The following TRAM1 variants were observed in gnomAD, a reference collection of about 807,000 sequenced individuals.
The protein encoded by TRAM1 is translocating chain-associated membrane protein 1.
TRAM1 carries 17 observed loss-of-function variants against 48.7 expected under a neutral mutation model. The ratio of observed to expected loss-of-function variants is 0.35; its 90% confidence interval spans 0.24 to 0.52. The LOEUF (loss-of-function observed/expected upper bound fraction) is 0.52, where lower values mean the gene tolerates loss of function less well. TRAM1 is among the 20% of genes least tolerant of loss of function. TRAM1 has a pLI of 0.94. For missense variants in TRAM1, 351 were observed against 441.5 expected, an observed-to-expected ratio of 0.79 and a Z score of 1.84; for synonymous variants, 182 against 154.0, an observed-to-expected ratio of 1.18 and a Z score of -1.34.
chr8:70,575,635 C>A (rs1222643738), intron 10 of TRAM1, among the ~76,000 whole-genome samples: 1 of 152,098 alleles, frequency 6.6e-6, no homozygotes. Context: ...GTATGTGTGA[C>A]TGACTCTCTC....
chr8:70,595,147 C>T (rs1817460958), intron 5 of TRAM1, among the ~76,000 whole-genome samples: 1 of 151,572 alleles, frequency 6.6e-6, no homozygotes. Flanking sequence ...CAGAATAAGG[C>T]ACACAAGGGC....
chr8:70,577,020 T>C (rs1306218141), intron 10 of TRAM1, among the ~76,000 whole-genome samples: 1 of 152,176 alleles, frequency 6.6e-6, no homozygotes, highest in East Asian at 1.9e-4. Context: ...TTTTCTCTCT[T>C]TCTTGTCATC....
intron 10 of TRAM1, 22 bp from the exon 11 acceptor site, chr8:70,575,027 T>C (rs1391367691): frequency 4.6e-6 from 7 of 1,535,748 alleles, no homozygotes; most frequent in East Asian, 4.5e-5. Context: ...AAAGAATCCA[T>C]GTTACTCTCT....
rs762922376 is a variant in TRAM1 at position 70,583,673 on chromosome 8, T to C, written c.867A>G (p.Gly289=). 1.2e-6 allele frequency: 2 copies of C among 1,613,172 alleles called. No homozygotes were observed. Among genetic ancestry groups the C allele is most frequent in the South Asian group, 2.2e-5 (2 of 90,876 alleles). ...ACCTAACAGCTAACACATTGAAGTT[T>C]CCAGTACTGAAATCCAGCTTCTGAT... ...AENQKLDFST[G]NFNVLAVRIA... Residue 289 remains glycine, a synonymous_variant, in exon 9 of 11, where the codon GGA becomes GGG. Transcript: ENST00000262213.
chr8:70,584,629 T>C (rs1158064261), intron 8 of TRAM1, among the ~76,000 whole-genome samples: 1 of 152,148 alleles, frequency 6.6e-6, no homozygotes, highest in Non-Finnish European at 1.5e-5. Flanking sequence ...AGCATTCTTA[T>C]ACACCAATAA....
chr8:70,590,725 G>A lies in TRAM1; in HGVS notation c.571-3549C>T, dbSNP rs1427209222. Among the ~76,000 whole-genome samples the A allele has an allele frequency of 2.0e-5, 3 of 152,140 alleles. No homozygotes were observed. In the East Asian group the frequency reaches 5.8e-4, roughly 29 times the overall value. ...ATAGAGGGTAAAATGCCATCACTAG[G>A]TTCTATCTTCACAACCATCAAATGC... On this transcript the variant is annotated intron_variant, in intron 6 of 10. Coordinates refer to ENST00000262213, the MANE Select transcript of TRAM1 (RefSeq NM_014294.6).
intron 10 of TRAM1, among the ~76,000 whole-genome samples, chr8:70,579,208 A>G (rs552744424): frequency 3.1e-4 from 47 of 152,362 alleles, no homozygotes; most frequent in African/African-American, 1.1e-3. Flanking sequence ...CCACACACCC[A>G]GGCTATATGG....
rs556660391 is a variant in TRAM1, at chr8:70,596,536, A to T, written c.427-215T>A. ...ATCAATGATAGAAATGAGATATGGA[A>T]TCAGGTAAGACATAATTCCTGGCCC... On this transcript the variant is annotated intron_variant, in intron 4 of 10. Transcript: ENST00000262213. Among the ~76,000 whole-genome samples the T allele has an allele frequency of 1.4e-3, 217 of 152,314 alleles. 1 individual carries two copies. Among genetic ancestry groups the T allele is most frequent in the Non-Finnish European group, 2.1e-3 (145 of 68,012 alleles).
In TRAM1 at chr8:70,607,079, A is replaced by G. The variant is rs905516410; in HGVS notation, c.123+998T>C. 6 of 936,296 alleles carry G rather than the reference A, an allele frequency of 6.4e-6. No homozygotes were observed. The African/African-American group carries it at 8.9e-5, about 14-fold the overall frequency. 58.0% of individuals were successfully genotyped at this position (936,296 alleles called of 1,614,324 possible). A position where few individuals can be genotyped will look rare whatever the true frequency, so the allele number is the denominator to read the frequency against. On this transcript the variant is annotated intron_variant, in intron 1 of 10. Coordinates refer to ENST00000262213, the MANE Select transcript of TRAM1 (RefSeq NM_014294.6). ...ACAAGGCAGGAGCAAAATAATTTGT[A>G]TATTTACTGAGACATAAAGGCTCCA...
chr8:70,599,949 C>A, intron 2 of TRAM1, 70 bp downstream of exon 2: 1 of 1,186,966 alleles, frequency 8.4e-7, no homozygotes, highest in Non-Finnish European at 1.3e-6. Context: ...ACCTAGCATT[C>A]ATGAAAATTT....
intron 7 of TRAM1, 50 bp downstream of exon 7, chr8:70,587,056 C>T (rs1817238130): frequency 3.7e-6 from 6 of 1,610,234 alleles, no homozygotes; most frequent in Non-Finnish European, 5.1e-6. Context: ...GACAGGTCAG[C>T]ATACTATCTG....
chr8:70,586,526 A>G (rs1817225209), intron 8 of TRAM1, among the ~76,000 whole-genome samples: 1 of 152,116 alleles, frequency 6.6e-6, no homozygotes, highest in South Asian at 2.1e-4. Context: ...GTTCAATTTC[A>G]CCATCAATAT....
intron 1 of TRAM1, among the ~76,000 whole-genome samples, chr8:70,606,562 C>T (rs1334583286): frequency 4.6e-5 from 7 of 152,132 alleles, no homozygotes; most frequent in Admixed American, 4.6e-4. Flanking sequence ...GTGAGGAGAA[C>T]AGTACAGGTG....
intron 10 of TRAM1, among the ~76,000 whole-genome samples, chr8:70,578,998 T>C (rs899250990): frequency 2.0e-5 from 3 of 152,234 alleles, no homozygotes; most frequent in Non-Finnish European, 4.4e-5. Context: ...AAATACCACA[T>C]TCAATTAACT....
intron 4 of TRAM1, among the ~76,000 whole-genome samples, chr8:70,597,034 A>C (rs1817502230): frequency 6.6e-6 from 1 of 152,190 alleles, no homozygotes; most frequent in Admixed American, 6.5e-5. Context: ...TCTACTTCCA[A>C]CATGAAGTGC....
intron 10 of TRAM1, among the ~76,000 whole-genome samples, chr8:70,580,948 T>C (rs1004115239): frequency 2.0e-5 from 3 of 152,182 alleles, no homozygotes; most frequent in African/African-American, 4.8e-5. Context: ...ATGTATACAC[T>C]GATAAATATA....
At chr8:70,594,893 A>G (rs1191804791) in intron 5 of TRAM1, among the ~76,000 whole-genome samples, 1 of 152,210 alleles carries the variant, frequency 6.6e-6, no homozygotes, top group Non-Finnish European at 1.5e-5. Flanking sequence ...ACTGACTAGT[A>G]TGTCATGTTA....
At chr8:70,584,945 G>A (rs1442728314) in intron 8 of TRAM1, among the ~76,000 whole-genome samples, 3 of 152,130 alleles carry the variant, frequency 2.0e-5, no homozygotes, top group Non-Finnish European at 2.9e-5. Context: ...AGTTCATATG[G>A]AACCAAAAAA....
intron 8 of TRAM1, among the ~76,000 whole-genome samples, chr8:70,585,599 C>A (rs1323703935): frequency 4.1e-5 from 5 of 120,882 alleles, no homozygotes; most frequent in Admixed American, 8.0e-5. Context: ...ACCCCATCAA[C>A]AAGTGGGCAA....
Sources: allele counts gnomAD v4.1 joint callset (sites outside exome capture counted in the v4.1 genomes callset), GRCh38; gene constraint gnomAD v4.1.1; transcripts MANE v1.5; gene names NCBI Gene and HGNC (gene_info 2026-07-23, HGNC 2026-07-21).